SSC5D: variants seen among roughly 807,000 people sequenced by gnomAD.
SSC5D encodes the protein soluble scavenger receptor cysteine-rich domain-containing protein SSC5D.
In SSC5D, 106 loss-of-function variants were observed where a neutral mutation model predicts 104.6. The observed-to-expected ratio is 1.01, with a 90% CI of 0.87 to 1.19. The LOEUF is 1.19. Ranked by LOEUF, SSC5D falls within the 50% of genes most tolerant of loss-of-function variation. The pLI is 0.00. For synonymous variants in SSC5D, 860 were observed against 883.5 expected, an observed-to-expected ratio of 0.97 and a Z score of 0.47; for missense variants, 1,993 against 2,153.8, an observed-to-expected ratio of 0.93 and a Z score of 1.48.
At position 55,490,333 on chromosome 19, in the gene SSC5D, C is replaced by G; in HGVS notation, c.511C>G (p.Arg171Gly). ...RPAGNPQNAS[R>G]KKSPRPKQAK... ...AGCTGGGAACCCCCAGAACGCCTCC[C>G]GGAAGAAGAGCCCCCGGCCCAAGCA... Residue 171 changes from arginine to glycine, a missense_variant, in exon 5 of 14, where the codon CGG (arginine) becomes GGG (glycine). Around this residue, in one of 6 missense-constraint regions of SSC5D, gnomAD observed 1,101 missense variants for 1,085.0 expected, o/e 1.01. Coordinates refer to ENST00000389623, the MANE Select transcript of SSC5D (RefSeq NM_001144950.2). 6.7e-7 allele frequency: 1 copy of G among 1,498,202 alleles called. No homozygotes were observed. The highest frequency in any genetic ancestry group is 1.2e-5 in the South Asian group (1 of 82,554). The allele number at this position is 1,498,202 out of a possible 1,614,324, so 92.8% of individuals were successfully genotyped here.
intron 12 of SSC5D, among the ~76,000 whole-genome samples, chr19:55,510,947 T>G (rs193288110): frequency 2.0e-4 from 30 of 152,122 alleles, no homozygotes; most frequent in Middle Eastern, 3.4e-3. Flanking sequence ...CCCAGCTAAT[T>G]TTTGTATTTT....
chr19:55,501,642 T>G (rs1217772350), intron 12 of SSC5D, among the ~76,000 whole-genome samples: 1 of 152,136 alleles, frequency 6.6e-6, no homozygotes, highest in African/African-American at 2.4e-5. Flanking sequence ...GCTTCTCTCC[T>G]TACCCTGGCC....
At chr19:55,515,225 C>G (rs868010067) in intron 13 of SSC5D, among the ~76,000 whole-genome samples, 22 of 151,856 alleles carry the variant, frequency 1.4e-4, no homozygotes, top group Non-Finnish European at 2.8e-4. Flanking sequence ...GAAACCCCAT[C>G]TCTACTAAAA....
chr19:55,517,253 C>T lies in SSC5D; in HGVS notation c.2977C>T (p.Arg993Trp), dbSNP rs1410035932. 3 of 1,542,366 alleles carry T rather than the reference C, an allele frequency of 1.9e-6. No individual in the cohort carries two copies. Among genetic ancestry groups the T allele is most frequent in the Admixed American group, 2.0e-5 (1 of 50,874 alleles). Reference sequence around the variant, plus strand: ...CCCGAGGAAACCGTGGCCCGAGCGCCGGCCACCGCGGCCCGCTGCGACCAG... The same window carrying T: ...CCCGAGGAAACCGTGGCCCGAGCGCTGGCCACCGCGGCCCGCTGCGACCAG... ...GSPRKPWPER[R>W]PPRPAATRTA... The change falls in exon 14 of 14, where the codon CGG becomes TGG. Residue 993 changes from arginine to tryptophan, a missense_variant. Around this residue, in one of 6 missense-constraint regions of SSC5D, gnomAD observed 423 missense variants for 409.2 expected, o/e 1.03. Coordinates refer to ENST00000389623, the MANE Select transcript of SSC5D (RefSeq NM_001144950.2).
intron 13 of SSC5D, among the ~76,000 whole-genome samples, chr19:55,516,506 A>T (rs938115271): frequency 6.6e-6 from 1 of 151,996 alleles, no homozygotes; most frequent in African/African-American, 2.4e-5. Flanking sequence ...CAAAAAAAAA[A>T]AAAAAGTCAC....
In SSC5D at chr19:55,517,233, G is replaced by A. The variant is rs989497358; in HGVS notation, c.2957G>A (p.Arg986Lys). Residue 986 changes from arginine (R) to lysine (K), a missense_variant, in exon 14 of 14, where the codon AGG becomes AAG. Arg to Lys is a conservative substitution (Grantham distance 26). This residue lies in a region of SSC5D where 423 missense variants were observed against 409.2 expected (regional missense o/e 1.03). Coordinates refer to ENST00000389623, the MANE Select transcript of SSC5D (RefSeq NM_001144950.2). ...LRVHGDTGSP[R>K]KPWPERRPPR... is the part of the protein sequence containing the mutation. ...TTTCCTCCTCCTCCAGGTTCCCCGAGGAAACCGTGGCCCGAGCGCCGGCCA... is the reference window on the plus strand; with the variant it reads ...TTTCCTCCTCCTCCAGGTTCCCCGAAGAAACCGTGGCCCGAGCGCCGGCCA... The A allele has an allele frequency of 1.9e-6, 3 of 1,538,786 alleles. No individual in the cohort carries two copies. The highest frequency in any genetic ancestry group is 2.6e-6 in the Non-Finnish European group (3 of 1,146,040).
chr19:55,493,923 T>C lies in SSC5D; in HGVS notation c.1213+11T>C. 8.0e-7 allele frequency: 1 copy of C among 1,251,108 alleles called. No homozygotes were observed. Among genetic ancestry groups the C allele is most frequent in the Non-Finnish European group, 1.0e-6 (1 of 974,116 alleles). The allele number at this position is 1,251,108 out of a possible 1,614,324, so 77.5% of individuals were successfully genotyped here. A position where few individuals can be genotyped will look rare whatever the true frequency, so the allele number is the denominator to read the frequency against. ...GGGCCGTGTGTGACGGTGAGGGGGT[T>C]GTGGTGGAGGACCGGGAGGTGGGCG... On this transcript the variant is annotated intron_variant, in intron 7 of 13. Coordinates refer to ENST00000389623, the MANE Select transcript of SSC5D (RefSeq NM_001144950.2).
chr19:55,510,914 G>A (rs1246500634), intron 12 of SSC5D, among the ~76,000 whole-genome samples: 1 of 152,092 alleles, frequency 6.6e-6, no homozygotes, highest in Admixed American at 6.5e-5. Context: ...GAGTAGCTGG[G>A]ATTACAGGTG....
chr19:55,514,279 C>T (rs1005081579), intron 13 of SSC5D, among the ~76,000 whole-genome samples: 2 of 151,876 alleles, frequency 1.3e-5, no homozygotes, highest in Non-Finnish European at 2.9e-5. Flanking sequence ...GTGGTAGGCA[C>T]CTATGGTCCC....
At chr19:55,509,663 C>A (rs1252458162) in intron 12 of SSC5D, among the ~76,000 whole-genome samples, 2 of 150,854 alleles carry the variant, frequency 1.3e-5, no homozygotes, top group Middle Eastern at 3.4e-3. Context: ...TCGAGACCAG[C>A]CTGGCCAACA....
In SSC5D at chr19:55,500,398, C is replaced by T; in HGVS notation, c.2288C>T (p.Thr763Ile). ...CCGGCCCCCTCTCCCAGTGTTAGCA[C>T]CACTGGGGAATCAGGTGAGTGGCCG... ...KDPAPSPSVS[T>I]TGESGLFRVR... The change falls in exon 10 of 14, where the codon ACC becomes ATC. Residue 763 changes from threonine (T) to isoleucine (I), a missense_variant. Thr to Ile is a moderately conservative substitution (Grantham distance 89). This residue lies in a region of SSC5D where 1,101 missense variants were observed against 1,085.0 expected (regional missense o/e 1.01). Coordinates refer to ENST00000389623, the MANE Select transcript of SSC5D (RefSeq NM_001144950.2). This position sits in a 1 kb window ranked among gnomAD's most constrained non-coding sequence, Gnocchi z 4.6. 1 of 1,550,578 alleles carries T rather than the reference C, an allele frequency of 6.4e-7. No individual in the cohort carries two copies.
chr19:55,496,750 CTTT>C (rs34304244), intron 8 of SSC5D, among the ~76,000 whole-genome samples: 34 of 139,794 alleles, frequency 2.4e-4, no homozygotes, highest in Non-Finnish European at 2.3e-4. Flanking sequence ...TTTTACCAGT[CTTT>C]TTTTTTTTTT....
intron 12 of SSC5D, among the ~76,000 whole-genome samples, chr19:55,512,746 G>T (rs531602640): frequency 1.5e-4 from 23 of 152,284 alleles, no homozygotes; most frequent in Non-Finnish European, 2.9e-4. Flanking sequence ...GCCTCCCAAA[G>T]TGCTGGGATT....
Position 55,497,955 on chromosome 19 carries a change from G to C in SSC5D, c.1463G>C (p.Trp488Ser). The C allele has an allele frequency of 6.4e-7, 1 of 1,551,842 alleles. No individual in the cohort carries two copies. The highest frequency in any genetic ancestry group is 8.7e-7 in the Non-Finnish European group (1 of 1,147,036). ...GRLEVWHDQR[W>S]GTVCDDSWDM... is the part of the protein sequence containing the mutation. ...CTGGAGGTGTGGCATGACCAGCGCTGGGGGACCGTGTGTGACGATAGCTGG... is the reference window on the plus strand; with the variant it reads ...CTGGAGGTGTGGCATGACCAGCGCTCGGGGACCGTGTGTGACGATAGCTGG... Residue 488 changes from tryptophan (W) to serine (S), a missense_variant, in exon 9 of 14, where the codon TGG (tryptophan) becomes TCG (serine). Coordinates refer to ENST00000389623, the MANE Select transcript of SSC5D (RefSeq NM_001144950.2).
At chr19:55,506,588 G>A (rs1987642460) in intron 12 of SSC5D, among the ~76,000 whole-genome samples, 1 of 151,622 alleles carries the variant, frequency 6.6e-6, no homozygotes, top group Admixed American at 6.6e-5. Context: ...TAGAGACGGG[G>A]TTTCACTGTG....
At position 55,517,593 on chromosome 19, in the gene SSC5D, C is replaced by G. The variant is rs1987902122; in HGVS notation, c.3317C>G (p.Ser1106Trp). The G allele has an allele frequency of 6.4e-7, 1 of 1,551,762 alleles. No individual in the cohort carries two copies. The highest frequency in any genetic ancestry group is 8.7e-7 in the Non-Finnish European group (1 of 1,147,056). Reference sequence around the variant, plus strand: ...CTGACCTCTGACCCTTCTACACCGTCGGAGGTGACCAGCCTTTCCCCTACC... The same window carrying G: ...CTGACCTCTGACCCTTCTACACCGTGGGAGGTGACCAGCCTTTCCCCTACC... ...KELTSDPSTPSEVTSLSPTSE... is the reference protein window; with the variant it reads ...KELTSDPSTPWEVTSLSPTSE... The change falls in exon 14 of 14, where the codon TCG (serine) becomes TGG (tryptophan). Residue 1106 changes from serine to tryptophan, a missense_variant. Transcript: ENST00000389623.
chr19:55,501,870 T>C (rs910379655), intron 12 of SSC5D, among the ~76,000 whole-genome samples: 1 of 152,234 alleles, frequency 6.6e-6, no homozygotes, highest in Non-Finnish European at 1.5e-5. Flanking sequence ...TCTCTGCTCC[T>C]GTTTCTCACT....
rs1037210231 is a variant in SSC5D at position 55,504,140 on chromosome 19, G to T, written c.2785+2939G>T. On this transcript the variant is annotated intron_variant, in intron 12 of 13. Coordinates refer to ENST00000389623, the MANE Select transcript of SSC5D (RefSeq NM_001144950.2). ...GAGCCGGAAGCGGGAGCTCCGAGAG[G>T]TGATGCTCCTCGTTCAAGGACTGCC... is the stretch of plus-strand genomic sequence containing the variant. 7 of 1,535,682 alleles carry T rather than the reference G, an allele frequency of 4.6e-6. No individual in the cohort carries two copies. The African/African-American group carries it at 8.2e-5, about 18-fold the overall frequency.
intron 13 of SSC5D, among the ~76,000 whole-genome samples, chr19:55,514,582 CAG>C (rs1987828892): frequency 7.7e-6 from 1 of 129,696 alleles, no homozygotes; most frequent in South Asian, 2.4e-4. Flanking sequence ...GCCTGGGCAA[CAG>C]AGAAAGACTC....
Sources: gnomAD v4.1 joint callset for allele counts (sites outside exome capture counted in the v4.1 genomes callset) on GRCh38, gnomAD v4.1.1 for gene constraint, gnomAD v4.1.1 regional missense constraint, Gnocchi (gnomAD v3.1) non-coding constraint, MANE v1.5 for transcripts, NCBI Gene and HGNC (gene_info 2026-07-23, HGNC 2026-07-21) for gene names.